The following PROC variants were observed in gnomAD, a reference collection of about 807,000 sequenced individuals.
PROC encodes vitamin K-dependent protein C.
In PROC, 22 loss-of-function variants were observed where a neutral mutation model predicts 36.3. The ratio of observed to expected loss-of-function variants is 0.61; its 90% CI spans 0.43 to 0.86. The LOEUF (loss-of-function observed/expected upper bound fraction) is 0.86. PROC is among the 40% of genes least tolerant of loss of function. The pLI is 0.00. For synonymous variants in PROC, 218 were observed against 244.5 expected, an observed-to-expected ratio of 0.89 and a Z score of 1.01; for missense variants, 526 against 629.7, an observed-to-expected ratio of 0.84 and a Z score of 1.76.
intron 8 of PROC, 24 bp downstream of exon 8, chr2:127,427,246 G>A: frequency 1.1e-5 from 18 of 1,601,440 alleles, no homozygotes; most frequent in Non-Finnish European, 1.5e-5. Context: ...CCAGGCAGAA[G>A]GGGGCTGCCA....
rs1358684018 is a variant in PROC, at chr2:127,418,458, A to T, written c.-56A>T. On this transcript the variant is annotated 5_prime_UTR_variant, in exon 1 of 9. Coordinates refer to ENST00000234071, the MANE Select transcript of PROC (RefSeq NM_000312.4). The surrounding 1 kb of genome is among the most constrained non-coding windows in gnomAD (Gnocchi z 4.8). ...AACTCCAGGCTGTCATGGCGGCAGG[A>T]CGGCGAACTTGCAGTATCTCCACGA... 1 of 1,289,766 alleles carries T rather than the reference A, an allele frequency of 7.8e-7. No homozygotes were observed. The highest frequency in any genetic ancestry group is 1.0e-6 in the Non-Finnish European group (1 of 988,838). 79.9% of individuals were successfully genotyped at this position (1,289,766 alleles called of 1,614,324 possible). A position where few individuals can be genotyped will look rare whatever the true frequency, so the allele number is the denominator to read the frequency against.
intron 6 of PROC, among the ~76,000 whole-genome samples, chr2:127,424,654 C>T (rs1051233170): frequency 2.0e-5 from 3 of 152,158 alleles, no homozygotes; most frequent in African/African-American, 7.2e-5. Flanking sequence ...GCCTGGGCAA[C>T]ACAGTGAGAC....
rs1799810 is a variant in PROC at position 127,418,464 on chromosome 2, A to T, written c.-50A>T. ...AGGCTGTCATGGCGGCAGGACGGCGAACTTGCAGTATCTCCACGACCCGCC... is the reference window on the plus strand; with the variant it reads ...AGGCTGTCATGGCGGCAGGACGGCGTACTTGCAGTATCTCCACGACCCGCC... On this transcript the variant is annotated 5_prime_UTR_variant, in exon 1 of 9. Transcript: ENST00000234071. This position sits in a 1 kb window ranked among gnomAD's most constrained non-coding sequence, Gnocchi z 4.8. 547,740 of 1,289,384 alleles carry T rather than the reference A, an allele frequency of 0.42. 118,714 individuals carry two copies. The highest frequency in any genetic ancestry group is 0.56 in the African/African-American group (36,995 of 65,854). 79.9% of individuals were successfully genotyped at this position (1,289,384 alleles called of 1,614,324 possible).
chr2:127,423,610 C>A (rs1482860102), intron 6 of PROC: 3 of 687,456 alleles, frequency 4.4e-6, no homozygotes, highest in Non-Finnish European at 4.4e-6. Flanking sequence ...GCGCGCCCTC[C>A]GCTTTCCCTG....
chr2:127,427,143 G>A lies in PROC; in HGVS notation c.717G>A (p.Gly239=). The A allele has an allele frequency of 6.2e-7, 1 of 1,613,870 alleles. No individual in the cohort carries two copies. The change falls in exon 8 of 9, where the codon GGG becomes GGA. Residue 239 remains glycine (G), a synonymous_variant. Transcript: ENST00000234071. ...LLDSKKKLAC[G]AVLIHPSWVL... ...ACTCAAAGAAGAAGCTGGCCTGCGG[G>A]GCAGTGCTCATCCACCCCTCCTGGG...
rs536613560 is a variant in PROC, at chr2:127,418,463, G to A, written c.-51G>A. The A allele has an allele frequency of 2.1e-4, 271 of 1,289,776 alleles. 3 individuals are homozygous for A. The South Asian group carries it at 2.7e-3, about 13-fold the overall frequency. The allele number at this position is 1,289,776 out of a possible 1,614,324, so 79.9% of individuals were successfully genotyped here. On this transcript the variant is annotated 5_prime_UTR_variant, in exon 1 of 9. Coordinates refer to ENST00000234071, the MANE Select transcript of PROC (RefSeq NM_000312.4). This position sits in a 1 kb window ranked among gnomAD's most constrained non-coding sequence, Gnocchi z 4.8. Reference sequence around the variant, plus strand: ...CAGGCTGTCATGGCGGCAGGACGGCGAACTTGCAGTATCTCCACGACCCGC... The same window carrying A: ...CAGGCTGTCATGGCGGCAGGACGGCAAACTTGCAGTATCTCCACGACCCGC...
At position 127,420,017 on chromosome 2, in the gene PROC, G is replaced by C; in HGVS notation, c.70+5G>C. ...CCGGCACACCAGCTCCTCTTGGTAAGGCCACCCCACCCCTACCCCGGGACC... is the reference window on the plus strand; with the variant it reads ...CCGGCACACCAGCTCCTCTTGGTAACGCCACCCCACCCCTACCCCGGGACC... On this transcript the variant is annotated splice_donor_5th_base_variant and intron_variant, in intron 2 of 8. Coordinates refer to ENST00000234071, the MANE Select transcript of PROC (RefSeq NM_000312.4). 6.2e-7 allele frequency: 1 copy of C among 1,613,032 alleles called. No individual in the cohort carries two copies. The highest frequency in any genetic ancestry group is 8.5e-7 in the Non-Finnish European group (1 of 1,179,942).
intron 6 of PROC, chr2:127,423,662 C>G (rs1320100661): frequency 3.8e-6 from 2 of 531,186 alleles, no homozygotes; most frequent in Non-Finnish European, 3.2e-6. Flanking sequence ...CCGGGCGCCC[C>G]CTGCGCACCT....
chr2:127,423,129 T>G lies in PROC; in HGVS notation c.358T>G (p.Cys120Gly). The G allele has an allele frequency of 1.2e-6, 2 of 1,605,580 alleles. No homozygotes were observed. The highest frequency in any genetic ancestry group is 1.7e-6 in the Non-Finnish European group (2 of 1,176,308). ...CATCGACGGCATCGGCAGCTTCAGC[T>G]GCGACTGCCGCAGCGGCTGGGAGGG... ...TCIDGIGSFS[C>G]DCRSGWEGRF... Residue 120 changes from cysteine to glycine, a missense_variant, in exon 5 of 9, where the codon TGC (cysteine) becomes GGC (glycine). Physicochemically the swap from Cys to Gly is radical, Grantham distance 159. Transcript: ENST00000234071.
intron 6 of PROC, 198 bp downstream of exon 6, chr2:127,423,606 CCT>C (rs1688279916): frequency 4.3e-6 from 3 of 700,922 alleles, no homozygotes; most frequent in African/African-American, 1.9e-5. Flanking sequence ...CTGGGCGCGC[CCT>C]CCGCTTTCCC....
chr2:127,419,978 C>A lies in PROC; in HGVS notation c.36C>A (p.Ala12=). ...WQLTSLLLFV[A]TWGISGTPAP... ...TCACAAGCCTCCTGCTGTTCGTGGC[C>A]ACCTGGGGAATTTCCGGCACACCAG... Residue 12 remains alanine (A), a synonymous_variant, in exon 2 of 9, where the codon GCC becomes GCA. Coordinates refer to ENST00000234071, the MANE Select transcript of PROC (RefSeq NM_000312.4). 1 of 1,613,830 alleles carries A rather than the reference C, an allele frequency of 6.2e-7. No homozygotes were observed. Among genetic ancestry groups the A allele is most frequent in the Non-Finnish European group, 8.5e-7 (1 of 1,180,020 alleles).
intron 2 of PROC, among the ~76,000 whole-genome samples, chr2:127,420,336 G>A (rs1349058115): frequency 6.6e-6 from 1 of 152,084 alleles, no homozygotes; most frequent in Admixed American, 6.5e-5. Context: ...AAGACCCCAG[G>A]CCCAGGCTAC....
rs369725868 is a variant in PROC, at chr2:127,422,971, T to G, written c.262+30T>G. On this transcript the variant is annotated intron_variant, in intron 4 of 8. Coordinates refer to ENST00000234071, the MANE Select transcript of PROC (RefSeq NM_000312.4). ...GTGCGTTCTAGATCCCCGGCTGGAC[T>G]ACCGGCGCCCGCGCCCCTCGGGATC... 24 of 1,611,064 alleles carry G rather than the reference T, an allele frequency of 1.5e-5. No individual in the cohort carries two copies. The East Asian group carries it at 4.2e-4, about 28-fold the overall frequency.
Position 127,418,709 on chromosome 2 carries a change from C to T in PROC, c.-22+217C>T, listed in dbSNP as rs1297564112. Reference sequence around the variant, plus strand: ...GCCTCCCTCTTTCCAGGCCAAGGGTCCCCAGGGCCCAGGGCCATTCCAACA... The same window carrying T: ...GCCTCCCTCTTTCCAGGCCAAGGGTTCCCAGGGCCCAGGGCCATTCCAACA... On this transcript the variant is annotated intron_variant, in intron 1 of 8. Transcript: ENST00000234071. This position sits in a 1 kb window ranked among gnomAD's most constrained non-coding sequence, Gnocchi z 4.8. Among the ~76,000 whole-genome samples, 1 of 152,206 alleles carries T rather than the reference C, an allele frequency of 6.6e-6. No homozygotes were observed. The highest frequency in any genetic ancestry group is 1.5e-5 in the Non-Finnish European group (1 of 68,034).
At position 127,428,374 on chromosome 2, in the gene PROC, C is replaced by A. The variant is rs121918154; in HGVS notation, c.814C>A (p.Arg272Ser). The A allele has an allele frequency of 6.2e-7, 1 of 1,614,026 alleles. No individual in the cohort carries two copies. Among genetic ancestry groups the A allele is most frequent in the Admixed American group, 1.7e-5 (1 of 60,024 alleles). Reference sequence around the variant, plus strand: ...CCCTGCAGGAGAGTATGACCTGCGGCGCTGGGAGAAGTGGGAGCTGGACCT... The same window carrying A: ...CCCTGCAGGAGAGTATGACCTGCGGAGCTGGGAGAAGTGGGAGCTGGACCT... ...LVRLGEYDLR[R>S]WEKWELDLDI... Residue 272 changes from arginine (R) to serine (S), a missense_variant, in exon 9 of 9, where the codon CGC becomes AGC. By Grantham distance (110) the Arg-to-Ser change is moderately radical (BLOSUM62 -1). Transcript: ENST00000234071.
In PROC at chr2:127,421,512, C is replaced by G. The variant is rs866229735; in HGVS notation, c.237+63C>G. 9.1e-5 allele frequency: 145 copies of G among 1,590,272 alleles called. No individual in the cohort carries two copies. The African/African-American group carries it at 1.8e-3, about 20-fold the overall frequency. On this transcript the variant is annotated intron_variant, in intron 3 of 8. Transcript: ENST00000234071. ...GCGAGCTGGTAACCAGCAGGGGCCT[C>G]GAGGAGCAGGTGGGGACTCAATGCT...
At position 127,418,794 on chromosome 2, in the gene PROC, C is replaced by T. The variant is rs898960409; in HGVS notation, c.-22+302C>T. On this transcript the variant is annotated intron_variant, in intron 1 of 8. Transcript: ENST00000234071. This position sits in a 1 kb window ranked among gnomAD's most constrained non-coding sequence, Gnocchi z 4.8. Reference sequence around the variant, plus strand: ...ACCCCACTTCCACCTTTGGGGGTGTCGGATTTGAACAAATCTCAGAAGTGG... The same window carrying T: ...ACCCCACTTCCACCTTTGGGGGTGTTGGATTTGAACAAATCTCAGAAGTGG... 1.3e-5 allele frequency among the ~76,000 whole-genome samples: 2 copies of T among 152,196 alleles called. No individual in the cohort carries two copies. Among genetic ancestry groups the T allele is most frequent in the African/African-American group, 2.4e-5 (1 of 41,436 alleles).
intron 1 of PROC, among the ~76,000 whole-genome samples, chr2:127,419,366 T>C (rs1031797523): frequency 6.6e-6 from 1 of 152,198 alleles, no homozygotes; most frequent in African/African-American, 2.4e-5. Flanking sequence ...TTGAGAGCTT[T>C]ATGTGGACTA....
At position 127,423,123 on chromosome 2, in the gene PROC, T is replaced by G; in HGVS notation, c.352T>G (p.Phe118Val). Residue 118 changes from phenylalanine (F) to valine (V), a missense_variant, in exon 5 of 9, where the codon TTC (phenylalanine) becomes GTC (valine). Transcript: ENST00000234071. ...CACGTGCATCGACGGCATCGGCAGC[T>G]TCAGCTGCGACTGCCGCAGCGGCTG... ...HGTCIDGIGS[F>V]SCDCRSGWEG... 2 of 1,606,624 alleles carry G rather than the reference T, an allele frequency of 1.2e-6. No individual in the cohort carries two copies. The highest frequency in any genetic ancestry group is 1.7e-6 in the Non-Finnish European group (2 of 1,176,790).
Sources: gnomAD v4.1 joint callset for allele counts (sites outside exome capture counted in the v4.1 genomes callset) on GRCh38, gnomAD v4.1.1 for gene constraint, Gnocchi (gnomAD v3.1) non-coding constraint, MANE v1.5 for transcripts, NCBI Gene and HGNC (gene_info 2026-07-23, HGNC 2026-07-21) for gene names.